The following SNX22 variants were observed in gnomAD, a reference collection of about 807,000 sequenced individuals.
SNX22 encodes the protein sorting nexin 22.
In SNX22, 23 loss-of-function variants were observed where a neutral mutation model predicts 24.7. The ratio of observed to expected loss-of-function variants is 0.93; its 90% CI spans 0.67 to 1.32. The LOEUF (loss-of-function observed/expected upper bound fraction) is 1.32. Ranked by LOEUF, SNX22 falls within the 40% of genes most tolerant of loss-of-function variation. The probability of loss-of-function intolerance (pLI) is 0.00; values close to 1 mark genes in which losing one functional copy is unlikely to be tolerated. For missense variants in SNX22, 261 were observed against 249.9 expected (o/e 1.04, Z -0.30); for synonymous variants, 99 against 104.0 (o/e 0.95, Z 0.29).
intron 1 of SNX22, 194 bp downstream of exon 1, chr15:64,152,044 A>AC (rs1393307953): frequency 1.4e-6 from 1 of 739,002 alleles, no homozygotes; most frequent in South Asian, 2.2e-5. Context: ...CTCTTGAGGG[A>AC]CCCCAGGGCT....
chr15:64,152,510 C>G, intron 2 of SNX22, 128 bp from the exon 3 acceptor site: 1 of 1,217,194 alleles, frequency 8.2e-7, no homozygotes, highest in Admixed American at 2.0e-5. Context: ...CTCGGCCGGT[C>G]CACCACTCAC....
chr15:64,152,670 C>T lies in SNX22; in HGVS notation c.192C>T (p.Pro64=), dbSNP rs766961799. The change falls in exon 3 of 7, where the codon CCC becomes CCT. Residue 64 remains proline, a synonymous_variant. Transcript: ENST00000325881. ...AGCTGTACAAAGTGCCCGACTTCCCCTCGAAACGCCTGCCCAACTGGAGGA... is the reference window on the plus strand; with the variant it reads ...AGCTGTACAAAGTGCCCGACTTCCCTTCGAAACGCCTGCCCAACTGGAGGA... ...IKKLYKVPDF[P]SKRLPNWRTR... 1.9e-6 allele frequency: 3 copies of T among 1,614,102 alleles called. No homozygotes were observed. The highest frequency in any genetic ancestry group is 2.5e-6 in the Non-Finnish European group (3 of 1,180,042).
rs759133480 is a variant in SNX22 at position 64,152,649 on chromosome 15, G to A, written c.171G>A (p.Leu57=). 11 of 1,614,210 alleles carry A rather than the reference G, an allele frequency of 6.8e-6. No homozygotes were observed. Among genetic ancestry groups the A allele is most frequent in the Non-Finnish European group, 9.3e-6 (11 of 1,180,020 alleles). The part of the protein sequence containing the change: ...FHALHKRIKK[L]YKVPDFPSKR... ...TAAACCTCCAGTAGATCAAGAAGCT[G>A]TACAAAGTGCCCGACTTCCCCTCGA... The change falls in exon 3 of 7, where the codon CTG becomes CTA. Residue 57 remains leucine, a synonymous_variant. Transcript: ENST00000325881.
chr15:64,154,126 C>G lies in SNX22; in HGVS notation c.460+124C>G, dbSNP rs550266257. ...ACCTCTGGAGCCACTACCTCCTGCT[C>G]CTGTCCCCTGGAGCCTGCTTTGTAG... On this transcript the variant is annotated intron_variant, in intron 6 of 6. Transcript: ENST00000325881. 2.8e-5 allele frequency: 45 copies of G among 1,604,206 alleles called. 1 individual carries two copies. The South Asian group carries it at 3.8e-4, about 14-fold the overall frequency.
In SNX22 at chr15:64,155,778, G is replaced by A. The variant is rs555991657; in HGVS notation, c.*1270G>A. ...GGCATGTTGGGATGTAGGCCTAGGG[G>A]AGGTGCTGCAGGCTCAAGAACCAGG... is the stretch of plus-strand genomic sequence containing the variant. On this transcript the variant is annotated 3_prime_UTR_variant, in exon 7 of 7. Transcript: ENST00000325881. 10 of 488,612 alleles carry A rather than the reference G, an allele frequency of 2.0e-5. No individual in the cohort carries two copies. In the East Asian group the frequency reaches 2.8e-4, roughly 14 times the overall value. The allele number at this position is 488,612 out of a possible 1,614,324, so 30.3% of individuals were successfully genotyped here.
At chr15:64,152,492 TCCTCGC>T (rs751923681) in intron 2 of SNX22, 140 bp from the exon 3 acceptor site, 76 of 1,197,108 alleles carry the variant, frequency 6.3e-5, no homozygotes, top group Non-Finnish European at 8.4e-5. Context: ...GTTGGGGCCT[TCCTCGC>T]CCTCGGCCGG....
chr15:64,153,545 A>C, intron 4 of SNX22, 107 bp from the exon 5 acceptor site: 1 of 1,534,192 alleles, frequency 6.5e-7, no homozygotes, highest in Non-Finnish European at 9.0e-7. Flanking sequence ...TTACAAATAG[A>C]AGCAGTGGTC....
chr15:64,153,115 C>T, intron 3 of SNX22, 130 bp from the exon 4 acceptor site: 2 of 1,163,306 alleles, frequency 1.7e-6, no homozygotes, highest in Non-Finnish European at 2.5e-6. Flanking sequence ...GGCCCTGAGC[C>T]TGGTTCAACG....
In SNX22 at chr15:64,153,931, C is replaced by T. The variant is rs1271013267; in HGVS notation, c.393-4C>T. On this transcript the variant is annotated splice_region_variant and splice_polypyrimidine_tract_variant and intron_variant, in intron 5 of 6. Transcript: ENST00000325881. ...CCATGGTTCATGACCCTGTTTCCTC[C>T]CAGCTCCCAGCAGCACCAGCGGCCT... 1 of 1,611,018 alleles carries T rather than the reference C, an allele frequency of 6.2e-7. No homozygotes were observed. The highest frequency in any genetic ancestry group is 1.3e-5 in the African/African-American group (1 of 74,854).
rs759317254 is a variant in SNX22 at position 64,154,956 on chromosome 15, C to CTTT, written c.*470_*472dup. ...TCGGGAAGCTGAGGTAGGAGAATCT[C>CTTT]TTTTTTTTTTTTTTTTTTTTTTTTG... On this transcript the variant is annotated 3_prime_UTR_variant, in exon 7 of 7. Coordinates refer to ENST00000325881, the MANE Select transcript of SNX22 (RefSeq NM_024798.3). The CTTT allele has an allele frequency of 2.9e-3, 236 of 81,522 alleles. No homozygotes were observed. The highest frequency in any genetic ancestry group is 4.8e-3 in the Admixed American group (31 of 6,498). 5.0% of individuals were successfully genotyped at this position (81,522 alleles called of 1,614,324 possible).
At chr15:64,154,072 C>T in intron 6 of SNX22, 70 bp downstream of exon 6, 1 of 1,613,656 alleles carries the variant, frequency 6.2e-7, no homozygotes, top group Non-Finnish European at 8.5e-7. Context: ...CTCCTGGGAC[C>T]CTCAGACAGC....
intron 2 of SNX22, 129 bp downstream of exon 2, chr15:64,152,455 G>C: frequency 7.9e-7 from 1 of 1,259,486 alleles, no homozygotes; most frequent in South Asian, 1.3e-5. Context: ...CTGCGCAGCC[G>C]GTCAGCCCCC....
At position 64,153,939 on chromosome 15, in the gene SNX22, C is replaced by CA; in HGVS notation, c.398dup (p.Gln134AlafsTer44). On this transcript the variant is annotated frameshift_variant, in exon 6 of 7. Coordinates refer to ENST00000325881, the MANE Select transcript of SNX22 (RefSeq NM_024798.3). LOFTEE classifies it high-confidence loss of function. ...CATGACCCTGTTTCCTCCCAGCTCC[C>CA]AGCAGCACCAGCGGCCTGTCCTGAG... 6.2e-6 allele frequency: 10 copies of CA among 1,612,214 alleles called. No homozygotes were observed. Among genetic ancestry groups the CA allele is most frequent in the Non-Finnish European group, 8.5e-6 (10 of 1,179,170 alleles).
Position 64,152,257 on chromosome 15 carries a change from G to A in SNX22, c.90G>A (p.Glu30=). Residue 30 remains glutamate (E), a synonymous_variant, in exon 2 of 7, where the codon GAG becomes GAA. Coordinates refer to ENST00000325881, the MANE Select transcript of SNX22 (RefSeq NM_024798.3). ...PEKSHMVFRV[E]VLCSGRRHTV... ...CGCGCCGCCAGGTGTTCCGAGTGGAGGTGCTGTGCAGCGGGCGCAGACACA... is the reference window on the plus strand; with the variant it reads ...CGCGCCGCCAGGTGTTCCGAGTGGAAGTGCTGTGCAGCGGGCGCAGACACA... 1 of 1,441,818 alleles carries A rather than the reference G, an allele frequency of 6.9e-7. No homozygotes were observed. Among genetic ancestry groups the A allele is most frequent in the Non-Finnish European group, 9.0e-7 (1 of 1,107,012 alleles). The allele number at this position is 1,441,818 out of a possible 1,614,324, so 89.3% of individuals were successfully genotyped here.
At chr15:64,157,476 AGT>A (rs1163323813) in exon 7 of SNX22, 1 of 160,452 alleles carries the variant, frequency 6.2e-6, no homozygotes, top group Admixed American at 5.8e-5. This position sits in a 1 kb window ranked among gnomAD's most constrained non-coding sequence, Gnocchi z 4.2. Context: ...GACAGCTGTG[AGT>A]GTGTGTGACG....
chr15:64,156,679 C>CA lies in SNX22; in HGVS notation c.*2171_*2172insA, dbSNP rs1358274687. On this transcript the variant is annotated 3_prime_UTR_variant, in exon 7 of 7. Coordinates refer to ENST00000325881, the MANE Select transcript of SNX22 (RefSeq NM_024798.3). This position sits in a 1 kb window ranked among gnomAD's most constrained non-coding sequence, Gnocchi z 6.4. ...TCCTGCCCTGGGGTCTGTGTTGAAT[C>CA]CCCGGTGAGGATTGCCCAGTAGTAG... 1 of 1,609,692 alleles carries CA rather than the reference C, an allele frequency of 6.2e-7. No homozygotes were observed. Among genetic ancestry groups the CA allele is most frequent in the Non-Finnish European group, 8.5e-7 (1 of 1,176,146 alleles).
rs934606957 is a variant in SNX22, at chr15:64,157,250, C to T, written c.*2742C>T. ...GGAGGGACTTTGGTGGAGGGAAGTG[C>T]CGTGCAGGATGCAGGGGAGTCAACA... On this transcript the variant is annotated 3_prime_UTR_variant, in exon 7 of 7. Transcript: ENST00000325881. This position sits in a 1 kb window ranked among gnomAD's most constrained non-coding sequence, Gnocchi z 4.2. The T allele has an allele frequency of 2.7e-6, 1 of 364,552 alleles. No homozygotes were observed. Among genetic ancestry groups the T allele is most frequent in the Admixed American group, 4.0e-5 (1 of 24,802 alleles). The allele number at this position is 364,552 out of a possible 1,614,324, so 22.6% of individuals were successfully genotyped here.
chr15:64,155,938 G>T lies in SNX22; in HGVS notation c.*1430G>T. On this transcript the variant is annotated 3_prime_UTR_variant, in exon 7 of 7. Coordinates refer to ENST00000325881, the MANE Select transcript of SNX22 (RefSeq NM_024798.3). The stretch of plus-strand genomic sequence containing the variant: ...AGTGGGTCCGCTCCACCAGATGCCA[G>T]CACCGGGGCCAGTGCAGCTCAGAGC... 6.2e-7 allele frequency: 1 copy of T among 1,603,780 alleles called. No individual in the cohort carries two copies.
Position 64,156,196 on chromosome 15 carries a change from C to T in SNX22, c.*1688C>T, listed in dbSNP as rs369181494. On this transcript the variant is annotated 3_prime_UTR_variant, in exon 7 of 7. Transcript: ENST00000325881. This position sits in a 1 kb window ranked among gnomAD's most constrained non-coding sequence, Gnocchi z 6.4. ...GGGCATGGTGGATCAGGAGGTCCAC[C>T]GCTCAGGAGAAAGGCCCCAGCGTAT... is the stretch of plus-strand genomic sequence containing the variant. 1.2e-4 allele frequency: 188 copies of T among 1,610,340 alleles called. No homozygotes were observed. The East Asian group carries it at 3.5e-3, about 30-fold the overall frequency.
Sources: gnomAD v4.1 joint callset for allele counts on GRCh38, gnomAD v4.1.1 for gene constraint, Gnocchi (gnomAD v3.1) non-coding constraint, MANE v1.5 for transcripts, NCBI Gene and HGNC (gene_info 2026-07-23, HGNC 2026-07-21) for gene names.